MEGF10: variants seen among roughly 807,000 people sequenced by gnomAD.
MEGF10 encodes the protein multiple EGF like domains 10.
In MEGF10, 86 loss-of-function variants were observed where a neutral mutation model predicts 147.5. The observed-to-expected ratio is 0.58, with a 90% CI of 0.49 to 0.70. MEGF10 has a LOEUF of 0.70. Among genes scored for constraint, MEGF10 ranks in the 30% least tolerant of loss-of-function variants. MEGF10 has a pLI of 0.00. For synonymous variants in MEGF10, 478 were observed against 525.5 expected (o/e 0.91, Z 1.24); for missense variants, 1,329 against 1,487.3 (o/e 0.89, Z 1.75).
the MEGF10 span, among the ~76,000 whole-genome samples, chr5:127,260,044 C>A: frequency 1.3e-5 from 2 of 152,054 alleles, no homozygotes; most frequent in Admixed American, 1.3e-4. Flanking sequence ...ATAATCCCAT[C>A]TACTCAGGAG....
chr5:127,230,173 C>A, the MEGF10 span, among the ~76,000 whole-genome samples: 1 of 152,062 alleles, frequency 6.6e-6, no homozygotes, highest in Non-Finnish European at 1.5e-5. Flanking sequence ...GGTGGGATTT[C>A]AGGGGATGAG....
intron 24 of MEGF10, among the ~76,000 whole-genome samples, chr5:127,456,695 G>A (rs911072749): frequency 1.3e-5 from 2 of 152,178 alleles, no homozygotes; most frequent in African/African-American, 4.8e-5. Flanking sequence ...TGCCACAGTA[G>A]GATGGGAACT....
At chr5:127,382,561 G>T (rs564892494) in intron 5 of MEGF10, among the ~76,000 whole-genome samples, 1 of 152,250 alleles carries the variant, frequency 6.6e-6, no homozygotes, top group East Asian at 1.9e-4. Context: ...TATTATATAA[G>T]CAGATTTATC....
At chr5:127,396,041 C>T (rs146697657) in intron 5 of MEGF10, among the ~76,000 whole-genome samples, 41 of 152,290 alleles carry the variant, frequency 2.7e-4, no homozygotes, top group African/African-American at 9.9e-4. Context: ...CAGCTCCTTC[C>T]ACACACGTAG....
At chr5:127,316,705 C>A (rs1220723277) in intron 1 of MEGF10, among the ~76,000 whole-genome samples, 1 of 152,098 alleles carries the variant, frequency 6.6e-6, no homozygotes, top group Non-Finnish European at 1.5e-5. Context: ...TACATTCATT[C>A]AAGAATACCA....
chr5:127,372,477 A>T (rs1762882232), intron 5 of MEGF10, among the ~76,000 whole-genome samples: 1 of 152,180 alleles, frequency 6.6e-6, no homozygotes, highest in Admixed American at 6.5e-5. Context: ...TGCAGATGTT[A>T]TTTGGATTTT....
chr5:127,297,012 G>C (rs960967964), intron 1 of MEGF10, among the ~76,000 whole-genome samples: 18 of 152,072 alleles, frequency 1.2e-4, no homozygotes, highest in Non-Finnish European at 2.2e-4. Context: ...TGTTGCCCAG[G>C]CTGGAGTGCA....
intron 13 of MEGF10, among the ~76,000 whole-genome samples, chr5:127,427,373 A>G (rs1306630691): frequency 2.0e-5 from 3 of 152,204 alleles, no homozygotes; most frequent in South Asian, 4.1e-4. Context: ...CTAAACAGAT[A>G]AAAAGGAGAA....
At chr5:127,253,494 G>T in the MEGF10 span, among the ~76,000 whole-genome samples, 2 of 151,766 alleles carry the variant, frequency 1.3e-5, no homozygotes, top group Non-Finnish European at 2.9e-5. Flanking sequence ...CATATACATT[G>T]GAAAAGAAAA....
intron 2 of MEGF10, among the ~76,000 whole-genome samples, chr5:127,331,772 T>A (rs188985874): frequency 5.9e-5 from 9 of 152,048 alleles, no homozygotes; most frequent in African/African-American, 2.2e-4. Context: ...AACCCATGAG[T>A]GAGAAGTGGA....
Position 127,410,434 on chromosome 5 carries a change from T to C in MEGF10, c.963T>C (p.Ala321=), listed in dbSNP as rs1265605693. ...TTGGGACCTATGGCGTTCTCTGTGC[T>C]GAGACCTGCCAGTGTGTCAACGGAG... ...CPVGTYGVLC[A]ETCQCVNGGK... is the part of the protein sequence containing the mutation. Residue 321 remains alanine (A), a synonymous_variant, in exon 9 of 25, where the codon GCT becomes GCC. Coordinates refer to ENST00000503335, the MANE Select transcript of MEGF10 (RefSeq NM_001256545.2). 1 of 1,614,204 alleles carries C rather than the reference T, an allele frequency of 6.2e-7. No individual in the cohort carries two copies. Among genetic ancestry groups the C allele is most frequent in the East Asian group, 2.2e-5 (1 of 44,892 alleles).
chr5:127,407,532 T>C (rs1764380117), intron 8 of MEGF10, among the ~76,000 whole-genome samples: 1 of 152,220 alleles, frequency 6.6e-6, no homozygotes. Context: ...TCCAGGACAT[T>C]ACTTGAAATG....
At chr5:127,323,689 A>G (rs1221487352) in intron 1 of MEGF10, among the ~76,000 whole-genome samples, 1 of 152,210 alleles carries the variant, frequency 6.6e-6, no homozygotes, top group Admixed American at 6.5e-5. Context: ...TAAAGCAACA[A>G]AGATTTATTA....
At chr5:127,449,715 C>T (rs1218060229) in intron 22 of MEGF10, among the ~76,000 whole-genome samples, 2 of 152,094 alleles carry the variant, frequency 1.3e-5, no homozygotes, top group Non-Finnish European at 2.9e-5. Flanking sequence ...TACTTGAGAT[C>T]CCCTTCCCTT....
the MEGF10 span, among the ~76,000 whole-genome samples, chr5:127,247,533 A>G: frequency 1.3e-5 from 2 of 152,010 alleles, no homozygotes; most frequent in African/African-American, 4.8e-5. Flanking sequence ...TAAAAAGCTC[A>G]TGAATTTGAT....
At chr5:127,406,742 G>A (rs557223194) in intron 8 of MEGF10, among the ~76,000 whole-genome samples, 1 of 152,336 alleles carries the variant, frequency 6.6e-6, no homozygotes, top group East Asian at 1.9e-4. Context: ...TTTGGGGTTT[G>A]TGGAAAGGTT....
At chr5:127,238,375 T>C in the MEGF10 span, among the ~76,000 whole-genome samples, 1 of 152,142 alleles carries the variant, frequency 6.6e-6, no homozygotes, top group South Asian at 2.1e-4. Flanking sequence ...ATTTTTTATA[T>C]ATTAAAAAAA....
intron 24 of MEGF10, 42 bp from the exon 25 acceptor site, chr5:127,457,086 A>G: frequency 1.3e-6 from 2 of 1,515,530 alleles, no homozygotes; most frequent in Non-Finnish European, 8.9e-7. Context: ...TTTTAAAAAC[A>G]TTTCCTTTGC....
At chr5:127,446,207 T>C (rs73783799) in intron 20 of MEGF10, among the ~76,000 whole-genome samples, 1 of 152,210 alleles carries the variant, frequency 6.6e-6, no homozygotes, top group Admixed American at 6.5e-5. Flanking sequence ...AAGAAAACTC[T>C]TGATTTTTTC....
Sources: allele counts gnomAD v4.1 joint callset (sites outside exome capture counted in the v4.1 genomes callset), GRCh38; gene constraint gnomAD v4.1.1; transcripts MANE v1.5; gene names NCBI Gene and HGNC (gene_info 2026-07-23, HGNC 2026-07-21).